The following RALGPS1 variants were observed in gnomAD, a reference collection of about 807,000 sequenced individuals.
RALGPS1 encodes ras-specific guanine nucleotide-releasing factor RalGPS1.
Under a neutral mutation model 78.8 loss-of-function variants are expected in RALGPS1, and 19 were observed. The observed-to-expected ratio is 0.24, with a 90% CI of 0.17 to 0.35. RALGPS1 has a LOEUF of 0.35. Among genes scored for constraint, RALGPS1 ranks in the 10% least tolerant of loss-of-function variants. The probability of loss-of-function intolerance (pLI) is 1.00; values close to 1 mark genes in which losing one functional copy is unlikely to be tolerated. For missense variants in RALGPS1, 454 were observed against 688.3 expected (o/e 0.66, Z 3.81); for synonymous variants, 228 against 256.3 (o/e 0.89, Z 1.06).
chr9:127,085,770 C>G (rs939780763), intron 8 of RALGPS1, among the ~76,000 whole-genome samples: 1 of 152,116 alleles, frequency 6.6e-6, no homozygotes, highest in Admixed American at 6.6e-5. Flanking sequence ...AGACCAGTGA[C>G]CAGTAAGGTT....
chr9:127,184,737 A>G (rs141073190), intron 11 of RALGPS1, among the ~76,000 whole-genome samples: 1 of 152,366 alleles, frequency 6.6e-6, no homozygotes, highest in African/African-American at 2.4e-5. Flanking sequence ...CGCAGGCTCC[A>G]AAGAATGAGA....
Position 127,091,873 on chromosome 9 carries a change from T to C in RALGPS1, c.610+22517T>C, listed in dbSNP as rs762219464. 2 of 1,614,140 alleles carry C rather than the reference T, an allele frequency of 1.2e-6. No individual in the cohort carries two copies. The highest frequency in any genetic ancestry group is 1.1e-5 in the South Asian group (1 of 91,084). ...GGTCACCAGGAGTTTGTAGTTGCCT[T>C]GGTTCGTCAGCCAGTAAATGTTCTC... is the stretch of plus-strand genomic sequence containing the variant. On this transcript the variant is annotated intron_variant, in intron 8 of 18. Transcript: ENST00000259351. This position sits in a 1 kb window ranked among gnomAD's most constrained non-coding sequence, Gnocchi z 4.3.
chr9:126,951,997 A>G lies in RALGPS1; in HGVS notation c.-65-10228A>G, dbSNP rs553233905. On this transcript the variant is annotated intron_variant, in intron 1 of 18. Coordinates refer to ENST00000259351, the MANE Select transcript of RALGPS1 (RefSeq NM_014636.3). ...TCTCAGGATACAAAATCTGTGTACAAAAATCACAAGCATTCTTATACACCA... is the reference window on the plus strand; with the variant it reads ...TCTCAGGATACAAAATCTGTGTACAGAAATCACAAGCATTCTTATACACCA... Among the ~76,000 whole-genome samples the G allele has an allele frequency of 1.1e-4, 17 of 152,374 alleles. No individual in the cohort carries two copies. The East Asian group carries it at 2.3e-3, about 21-fold the overall frequency.
At chr9:127,096,676 C>T (rs148298378) in intron 8 of RALGPS1, among the ~76,000 whole-genome samples, 217 of 152,312 alleles carry the variant, frequency 1.4e-3, no homozygotes, top group African/African-American at 4.5e-3. Context: ...CTACTAGTCC[C>T]TTTAAGAATT....
intron 1 of RALGPS1, among the ~76,000 whole-genome samples, chr9:126,948,125 CTAGG>C (rs1400893419): frequency 6.6e-6 from 1 of 152,142 alleles, no homozygotes; most frequent in Admixed American, 6.5e-5. Context: ...GGGACAGGGA[CTAGG>C]TAGGGGCTTT....
intron 1 of RALGPS1, among the ~76,000 whole-genome samples, chr9:126,961,217 GA>G (rs990892255): frequency 6.6e-6 from 1 of 152,222 alleles, no homozygotes; most frequent in Non-Finnish European, 1.5e-5. Context: ...ATAGCCAGAA[GA>G]AGGGACATTT....
At chr9:126,932,340 G>A (rs1564269914) in intron 1 of RALGPS1, among the ~76,000 whole-genome samples, 1 of 152,184 alleles carries the variant, frequency 6.6e-6, no homozygotes, top group Non-Finnish European at 1.5e-5. Context: ...ATCTATCAAA[G>A]CTGAACATAT....
intron 4 of RALGPS1, among the ~76,000 whole-genome samples, chr9:126,987,245 G>A (rs1031117977): frequency 5.9e-5 from 9 of 152,090 alleles, no homozygotes; most frequent in African/African-American, 2.2e-4. Context: ...TAGGAGCCCT[G>A]CAAACATCAT....
At chr9:127,031,578 TG>T (rs2046435117) in intron 4 of RALGPS1, among the ~76,000 whole-genome samples, 1 of 152,188 alleles carries the variant, frequency 6.6e-6, no homozygotes, top group Admixed American at 6.5e-5. Flanking sequence ...CACAATTCTG[TG>T]GGGTTAGCTA....
chr9:127,167,537 G>C (rs1187438077), intron 9 of RALGPS1, among the ~76,000 whole-genome samples: 1 of 152,196 alleles, frequency 6.6e-6, no homozygotes, highest in Non-Finnish European at 1.5e-5. Context: ...GATTCATGCA[G>C]AGCCCTTAGC....
At chr9:126,936,345 A>T (rs1348465309) in intron 1 of RALGPS1, among the ~76,000 whole-genome samples, 1 of 152,222 alleles carries the variant, frequency 6.6e-6, no homozygotes, top group Admixed American at 6.5e-5. Flanking sequence ...CTTTATAAGG[A>T]GAGAACTTCC....
intron 4 of RALGPS1, among the ~76,000 whole-genome samples, chr9:127,025,957 GCCTC>G (rs1442484356): frequency 3.9e-5 from 6 of 152,144 alleles, no homozygotes; most frequent in Non-Finnish European, 4.4e-5. Flanking sequence ...TCCTGCCTCT[GCCTC>G]CCAAAGTGCT....
chr9:127,167,306 G>A (rs1198280420), intron 9 of RALGPS1, among the ~76,000 whole-genome samples: 1 of 152,206 alleles, frequency 6.6e-6, no homozygotes, highest in East Asian at 1.9e-4. Context: ...GCTTTCCTCT[G>A]ACAGGAGGGG....
intron 11 of RALGPS1, among the ~76,000 whole-genome samples, chr9:127,184,510 A>C (rs1325512992): frequency 6.6e-6 from 1 of 152,126 alleles, no homozygotes; most frequent in Non-Finnish European, 1.5e-5. Flanking sequence ...TTCTGTGCAG[A>C]GGGGCCCCAG....
At chr9:126,940,530 C>T (rs565096729) in intron 1 of RALGPS1, among the ~76,000 whole-genome samples, 24 of 151,424 alleles carry the variant, frequency 1.6e-4, no homozygotes, top group Middle Eastern at 3.4e-3. Context: ...AGCTCTGCCT[C>T]CCGGGTTCAC....
chr9:127,085,324 T>A (rs2051595316), intron 8 of RALGPS1, among the ~76,000 whole-genome samples: 1 of 152,158 alleles, frequency 6.6e-6, no homozygotes, highest in African/African-American at 2.4e-5. Context: ...GCGAACTTAG[T>A]AATAGTAGGA....
intron 4 of RALGPS1, among the ~76,000 whole-genome samples, chr9:127,001,028 A>G (rs2043247384): frequency 6.6e-6 from 1 of 151,692 alleles, no homozygotes; most frequent in East Asian, 2.0e-4. Flanking sequence ...TAATCCCAAC[A>G]CTTTGGGAGG....
At chr9:127,126,553 C>A (rs1012648596) in intron 8 of RALGPS1, among the ~76,000 whole-genome samples, 1 of 152,188 alleles carries the variant, frequency 6.6e-6, no homozygotes, top group Non-Finnish European at 1.5e-5. Flanking sequence ...TTTATCTTTT[C>A]TTGTCTCATG....
intron 11 of RALGPS1, chr9:127,178,196 C>T (rs776516682): frequency 6.3e-5 from 28 of 446,700 alleles, no homozygotes; most frequent in Non-Finnish European, 3.1e-5. Context: ...TCCCTGGCCT[C>T]CCTTTCCTCC....
Sources: gnomAD v4.1 joint callset for allele counts (sites outside exome capture counted in the v4.1 genomes callset) on GRCh38, gnomAD v4.1.1 for gene constraint, Gnocchi (gnomAD v3.1) non-coding constraint, MANE v1.5 for transcripts, NCBI Gene and HGNC (gene_info 2026-07-23, HGNC 2026-07-21) for gene names.